Variants in MED12L observed in about 807,000 individuals in gnomAD.
The protein encoded by MED12L is mediator complex subunit 12L, also known as mediator of RNA polymerase II transcription subunit 12-like protein.
MED12L carries 60 observed loss-of-function variants against 281.3 expected under a neutral mutation model. That is an observed-to-expected ratio of 0.21 (90% CI 0.17 to 0.26). The LOEUF (loss-of-function observed/expected upper bound fraction) is 0.26. Ranked by LOEUF, MED12L falls within the 10% of genes least tolerant of loss-of-function variation. The pLI is 1.00. For missense variants in MED12L, 2,146 were observed against 2,680.9 expected, an observed-to-expected ratio of 0.80 and a Z score of 4.41; for synonymous variants, 974 against 987.2, an observed-to-expected ratio of 0.99 and a Z score of 0.25.
At chr3:151,139,898 AG>A (rs1716684095) in intron 5 of MED12L, among the ~76,000 whole-genome samples, 1 of 152,240 alleles carries the variant, frequency 6.6e-6, no homozygotes, top group Non-Finnish European at 1.5e-5. Context: ...GCACAAGAGG[AG>A]CTTTCATATA....
At chr3:151,115,153 A>G (rs1246403715) in intron 2 of MED12L, among the ~76,000 whole-genome samples, 2 of 152,010 alleles carry the variant, frequency 1.3e-5, no homozygotes, top group African/African-American at 4.8e-5. Context: ...GTAGGTTGTG[A>G]TGTTGTGTGG....
intron 41 of MED12L, among the ~76,000 whole-genome samples, 152 bp from the exon 42 acceptor site, chr3:151,412,986 AT>A (rs1435985032): frequency 2.0e-5 from 3 of 152,224 alleles, no homozygotes; most frequent in African/African-American, 7.2e-5. Context: ...CACATCTATT[AT>A]TTTAACCACT....
chr3:151,328,730 C>T (rs1379145180), intron 16 of MED12L: 8 of 1,613,816 alleles, frequency 5.0e-6, no homozygotes, highest in East Asian at 2.2e-5. Flanking sequence ...TCTGAGCTGC[C>T]AGGGTGCCAG....
chr3:151,140,681 TTTA>T (rs955436359), intron 5 of MED12L, among the ~76,000 whole-genome samples: 2 of 132,742 alleles, frequency 1.5e-5, no homozygotes, highest in Admixed American at 7.2e-5. Flanking sequence ...AATTTATTTA[TTTA>T]TTATTTATTT....
intron 39 of MED12L, among the ~76,000 whole-genome samples, chr3:151,402,890 G>T (rs2108304873): frequency 6.6e-6 from 1 of 152,208 alleles, no homozygotes; most frequent in Admixed American, 6.5e-5. Flanking sequence ...AATCTTATCT[G>T]TATTGTCTGC....
intron 16 of MED12L, among the ~76,000 whole-genome samples, chr3:151,301,611 G>T (rs1287339703): frequency 6.6e-6 from 1 of 152,322 alleles, no homozygotes; most frequent in Non-Finnish European, 1.5e-5. Flanking sequence ...AAGGTCAAAA[G>T]ATTTGTCTAG....
At chr3:151,236,876 T>G (rs1406449856) in intron 16 of MED12L, among the ~76,000 whole-genome samples, 3 of 152,116 alleles carry the variant, frequency 2.0e-5, no homozygotes, top group African/African-American at 7.2e-5. Flanking sequence ...TAATTCAGTT[T>G]CTTGTATTTG....
At chr3:151,100,274 TCAACCCACATC>T (rs1415544746) in intron 2 of MED12L, among the ~76,000 whole-genome samples, 2 of 152,326 alleles carry the variant, frequency 1.3e-5, no homozygotes, top group East Asian at 3.9e-4. Context: ...AACTCAGCCT[TCAACCCACATC>T]CAATGTGCTG....
intron 2 of MED12L, among the ~76,000 whole-genome samples, chr3:151,106,087 T>G (rs1239014293): frequency 6.6e-6 from 1 of 152,102 alleles, no homozygotes; most frequent in Non-Finnish European, 1.5e-5. Context: ...CTTCCAACTC[T>G]CATGAGAGCC....
At chr3:151,179,214 C>T (rs1722431475) in intron 11 of MED12L, among the ~76,000 whole-genome samples, 1 of 152,050 alleles carries the variant, frequency 6.6e-6, no homozygotes, top group African/African-American at 2.4e-5. Context: ...GTGGCACCCA[C>T]CTGTAACACC....
intron 10 of MED12L, 61 bp from the exon 11 acceptor site, chr3:151,165,785 A>T: frequency 6.6e-7 from 1 of 1,506,070 alleles, no homozygotes; most frequent in Non-Finnish European, 9.1e-7. Context: ...GTGATTTTGT[A>T]CTGTGTTATA....
chr3:151,164,305 T>A (rs1315163798), intron 9 of MED12L, among the ~76,000 whole-genome samples: 1 of 152,238 alleles, frequency 6.6e-6, no homozygotes, highest in Non-Finnish European at 1.5e-5. Context: ...TGGTGGTGGT[T>A]CTAATACATG....
intron 12 of MED12L, 165 bp from the exon 13 acceptor site, chr3:151,188,189 A>AT: frequency 2.0e-6 from 1 of 489,472 alleles, no homozygotes; most frequent in East Asian, 3.3e-5. Flanking sequence ...GGATGGAGAA[A>AT]TTATATTCAC....
chr3:151,248,083 A>G (rs1261890141), intron 16 of MED12L, among the ~76,000 whole-genome samples: 1 of 151,284 alleles, frequency 6.6e-6, no homozygotes, highest in Admixed American at 6.6e-5. Flanking sequence ...TAATTTATAG[A>G]AAAACTACAC....
intron 31 of MED12L, among the ~76,000 whole-genome samples, chr3:151,379,595 T>C (rs117766209): frequency 0.014 from 2,114 of 152,310 alleles, 135 homozygotes; most frequent in East Asian, 0.094. Context: ...TCCTCAGCCC[T>C]GGCTGATGAA....
intron 11 of MED12L, among the ~76,000 whole-genome samples, chr3:151,177,379 C>T (rs76315306): frequency 0.018 from 2,803 of 152,288 alleles, 90 homozygotes; most frequent in African/African-American, 0.065. Flanking sequence ...GTGCTGTTTT[C>T]TAGTTCTGTG....
At chr3:151,337,624 A>G (rs1178392464) in intron 16 of MED12L, 2 of 604,290 alleles carry the variant, frequency 3.3e-6, no homozygotes, top group Non-Finnish European at 5.7e-6. Context: ...TACAGTTTAG[A>G]TTAGTTTTCT....
intron 16 of MED12L, among the ~76,000 whole-genome samples, chr3:151,273,402 AT>A (rs531443713): frequency 7.3e-4 from 83 of 113,624 alleles, no homozygotes; most frequent in Admixed American, 1.4e-3. Flanking sequence ...TAATTTTTGT[AT>A]TTTTTTTTTT....
chr3:151,243,278 A>T (rs1212041867), intron 16 of MED12L, among the ~76,000 whole-genome samples: 1 of 151,574 alleles, frequency 6.6e-6, no homozygotes, highest in Non-Finnish European at 1.5e-5. Flanking sequence ...CCACAAAGAT[A>T]CTCCTCGAGA....
Sources: allele counts gnomAD v4.1 joint callset (sites outside exome capture counted in the v4.1 genomes callset), GRCh38; gene constraint gnomAD v4.1.1; transcripts MANE v1.5; gene names NCBI Gene and HGNC (gene_info 2026-07-23, HGNC 2026-07-21).